Variants in FUT9 observed in about 807,000 individuals in gnomAD.
FUT9 encodes the protein fucosyltransferase 9.
A neutral mutation model predicts 29.7 loss-of-function variants in FUT9; 15 were observed. The ratio of observed to expected loss-of-function variants is 0.51; its 90% CI spans 0.34 to 0.78. The LOEUF is 0.78. FUT9 is among the 30% of genes least tolerant of loss of function. FUT9 has a pLI of 0.01. For missense variants in FUT9, 319 were observed against 425.4 expected, an observed-to-expected ratio of 0.75 and a Z score of 2.20; for synonymous variants, 169 against 153.7, an observed-to-expected ratio of 1.10 and a Z score of -0.74.
chr6:96,201,429 C>T (rs569238925), intron 2 of FUT9, among the ~76,000 whole-genome samples: 1 of 151,810 alleles, frequency 6.6e-6, no homozygotes, highest in Non-Finnish European at 1.5e-5. Context: ...AATATTGTGA[C>T]ATTATTACTC....
At position 96,209,667 on chromosome 6, in the gene FUT9, G is replaced by C. The variant is rs1773897810; in HGVS notation, c.*5432G>C. 1 of 166,704 alleles carries C rather than the reference G, an allele frequency of 6.0e-6. No homozygotes were observed. The highest frequency in any genetic ancestry group is 6.6e-5 in the Admixed American group (1 of 15,222). The allele number at this position is 166,704 out of a possible 1,614,324, so 10.3% of individuals were successfully genotyped here. On this transcript the variant is annotated 3_prime_UTR_variant, in exon 3 of 3. Transcript: ENST00000302103. ...TAGATTGAGTTCATTTGAACATTTA[G>C]TTATTTTTTAGCTCATAGTTAACAT...
intron 1 of FUT9, among the ~76,000 whole-genome samples, chr6:96,051,736 A>C (rs555166175): frequency 9.7e-4 from 148 of 152,146 alleles, no homozygotes; most frequent in African/African-American, 2.4e-3. Flanking sequence ...TTATATATTA[A>C]ATATGTGATT....
chr6:96,070,597 G>A (rs1771042709), intron 1 of FUT9, among the ~76,000 whole-genome samples: 1 of 152,062 alleles, frequency 6.6e-6, no homozygotes, highest in Non-Finnish European at 1.5e-5. Flanking sequence ...TGAAGTGGGA[G>A]GATTGCTTGA....
At chr6:96,194,926 T>G (rs540535987) in intron 2 of FUT9, among the ~76,000 whole-genome samples, 2 of 152,194 alleles carry the variant, frequency 1.3e-5, no homozygotes, top group African/African-American at 2.4e-5. Context: ...GTGTCAGATC[T>G]CATGGCTCTA....
In FUT9 at chr6:96,028,591, T is replaced by C. The variant is rs1364744719; in HGVS notation, c.-98+12379T>C. ...CACTGACTGGCACTGTAAATTCTAATTCAATAAATGTTACATCTTCTCCAT... is the reference window on the plus strand; with the variant it reads ...CACTGACTGGCACTGTAAATTCTAACTCAATAAATGTTACATCTTCTCCAT... On this transcript the variant is annotated intron_variant, in intron 1 of 2. Coordinates refer to ENST00000302103, the MANE Select transcript of FUT9 (RefSeq NM_006581.4). Among the ~76,000 whole-genome samples, 10 of 151,736 alleles carry C rather than the reference T, an allele frequency of 6.6e-5. No individual in the cohort carries two copies. The East Asian group carries it at 9.7e-4, about 15-fold the overall frequency.
At chr6:96,152,453 A>T (rs1040109994) in intron 2 of FUT9, among the ~76,000 whole-genome samples, 11 of 152,322 alleles carry the variant, frequency 7.2e-5, no homozygotes, top group African/African-American at 2.6e-4. Context: ...AGTACTGGGA[A>T]GGTCAGGGTG....
chr6:96,181,444 A>G lies in FUT9; in HGVS notation c.-8-21704A>G, dbSNP rs9404363. 4.9e-3 allele frequency among the ~76,000 whole-genome samples: 660 copies of G among 133,776 alleles called. 1 individual carries two copies. The highest frequency in any genetic ancestry group is 7.8e-3 in the Non-Finnish European group (471 of 60,070). The allele number at this position is 133,776 out of a possible 152,430, so 87.8% of individuals were successfully genotyped here. ...TTTTTTTTCTTCATAGTTCTTTTTT[A>G]ATTTTTTTTTCATAGGTTATTGGGG... On this transcript the variant is annotated intron_variant, in intron 2 of 2. Coordinates refer to ENST00000302103, the MANE Select transcript of FUT9 (RefSeq NM_006581.4).
intron 1 of FUT9, among the ~76,000 whole-genome samples, chr6:96,111,473 T>A (rs1257510916): frequency 6.7e-6 from 1 of 149,854 alleles, no homozygotes; most frequent in Non-Finnish European, 1.5e-5. Context: ...ATCAAAAGAG[T>A]AGCTCAATTA....
At chr6:96,079,339 G>T (rs1771197234) in intron 1 of FUT9, among the ~76,000 whole-genome samples, 1 of 152,022 alleles carries the variant, frequency 6.6e-6, no homozygotes, top group Non-Finnish European at 1.5e-5. Context: ...CTCTCTCTAG[G>T]TATTTAGGTG....
chr6:96,104,933 T>G (rs1219950174), intron 1 of FUT9, among the ~76,000 whole-genome samples: 1 of 152,192 alleles, frequency 6.6e-6, no homozygotes, highest in Non-Finnish European at 1.5e-5. Flanking sequence ...ACATTCTAAG[T>G]GTTTATTAGA....
intron 1 of FUT9, among the ~76,000 whole-genome samples, chr6:96,023,994 G>A (rs1408476896): frequency 1.3e-5 from 2 of 151,868 alleles, no homozygotes; most frequent in Non-Finnish European, 2.9e-5. Context: ...TGATGATGAA[G>A]TATAAGCACT....
chr6:96,106,248 T>TTCCTTCCTTCCTTC (rs1562126417), intron 1 of FUT9, among the ~76,000 whole-genome samples: 15 of 151,694 alleles, frequency 9.9e-5, no homozygotes, highest in South Asian at 4.2e-4. Context: ...CCTTCCTTCA[T>TTCCTTCCTTCCTTC]CTTCTTAATG....
rs748039964 is a variant in FUT9, at chr6:96,172,604, T to C, written c.-8-30544T>C. On this transcript the variant is annotated intron_variant, in intron 2 of 2. Coordinates refer to ENST00000302103, the MANE Select transcript of FUT9 (RefSeq NM_006581.4). ...GTTTCTACATCATACCACCAGTGTT[T>C]AGAGATTGCTGCCAAAAGTCAAGAC... 5.9e-5 allele frequency among the ~76,000 whole-genome samples: 9 copies of C among 151,950 alleles called. 1 individual carries two copies. Among genetic ancestry groups the C allele is most frequent in the Non-Finnish European group, 1.3e-4 (9 of 68,006 alleles).
At chr6:96,028,914 TA>T (rs1486513324) in intron 1 of FUT9, among the ~76,000 whole-genome samples, 1 of 151,584 alleles carries the variant, frequency 6.6e-6, no homozygotes, top group African/African-American at 2.4e-5. Flanking sequence ...CCACAAGAAT[TA>T]AAACTCATGA....
At chr6:96,113,630 C>T (rs577896856) in intron 1 of FUT9, among the ~76,000 whole-genome samples, 8 of 151,546 alleles carry the variant, frequency 5.3e-5, no homozygotes, top group Admixed American at 2.0e-4. Context: ...CCGAGGCGGG[C>T]GGATCACGTC....
intron 1 of FUT9, among the ~76,000 whole-genome samples, chr6:96,108,354 A>T (rs1771732266): frequency 6.6e-6 from 1 of 152,138 alleles, no homozygotes; most frequent in Non-Finnish European, 1.5e-5. Context: ...CAGCTGTACC[A>T]CTTACAAGCT....
At chr6:96,046,425 C>T (rs1218953967) in intron 1 of FUT9, among the ~76,000 whole-genome samples, 1 of 152,162 alleles carries the variant, frequency 6.6e-6, no homozygotes, top group Non-Finnish European at 1.5e-5. Context: ...CTCCATTTAA[C>T]ATGACTCTAA....
At chr6:96,187,808 C>G (rs1773431472) in intron 2 of FUT9, among the ~76,000 whole-genome samples, 2 of 152,104 alleles carry the variant, frequency 1.3e-5, no homozygotes. Flanking sequence ...TTTCTTATCT[C>G]TCCCCTTATT....
At chr6:96,105,409 A>G (rs999605170) in intron 1 of FUT9, among the ~76,000 whole-genome samples, 4 of 152,192 alleles carry the variant, frequency 2.6e-5, no homozygotes, top group African/African-American at 7.2e-5. Context: ...GATTTTTAAA[A>G]ATCCCTCATC....
Sources: gnomAD v4.1 joint callset for allele counts (sites outside exome capture counted in the v4.1 genomes callset) on GRCh38, gnomAD v4.1.1 for gene constraint, MANE v1.5 for transcripts, NCBI Gene and HGNC (gene_info 2026-07-23, HGNC 2026-07-21) for gene names.